MYH15: variants seen among roughly 807,000 people sequenced by gnomAD.
The protein encoded by MYH15 is myosin heavy chain 15.
MYH15 carries 227 observed loss-of-function variants against 240.5 expected under a neutral mutation model. The ratio of observed to expected loss-of-function variants is 0.94; its 90% CI spans 0.85 to 1.05. The LOEUF is 1.05. MYH15 is among the 50% of genes least tolerant of loss of function. The pLI, the probability that MYH15 is intolerant of heterozygous loss-of-function variation, is 0.00. For missense variants in MYH15, 2,217 were observed against 2,247.5 expected (o/e 0.99, Z 0.27); for synonymous variants, 785 against 796.7 (o/e 0.99, Z 0.25).
Position 108,441,348 on chromosome 3 carries a change from T to C in MYH15, c.2656-88A>G. ...TGCTGCTTAACACACAGCAAAGAGA[T>C]AATTGCCTGCCCTCTGCCCAGCACT... On this transcript the variant is annotated intron_variant, in intron 22 of 40. Coordinates refer to ENST00000693548, the MANE Select transcript of MYH15 (RefSeq NM_014981.3). 2.0e-6 allele frequency: 3 copies of C among 1,464,438 alleles called. No individual in the cohort carries two copies. In the South Asian group the frequency reaches 3.6e-5, roughly 18 times the overall value. 90.7% of individuals were successfully genotyped at this position (1,464,438 alleles called of 1,614,324 possible).
At position 108,507,226 on chromosome 3, in the gene MYH15, AATATATATATATATATATATATATATAT is replaced by A. The variant is rs147101810; in HGVS notation, c.89-1425_89-1398del. ...CATACTTTCCTTTTAAAGGAAAATG[AATATATATATATATATATATATATATAT>A]ATATATATATATATATATATATACA... On this transcript the variant is annotated intron_variant, in intron 1 of 40. Coordinates refer to ENST00000693548, the MANE Select transcript of MYH15 (RefSeq NM_014981.3). Among the ~76,000 whole-genome samples the A allele has an allele frequency of 7.6e-3, 753 of 98,536 alleles. 23 individuals are homozygous for A. Among genetic ancestry groups the A allele is most frequent in the South Asian group, 0.011 (27 of 2,554 alleles). 64.6% of individuals were successfully genotyped at this position (98,536 alleles called of 152,430 possible).
chr3:108,493,216 G>T, intron 7 of MYH15, 39 bp from the exon 8 acceptor site: 1 of 1,569,360 alleles, frequency 6.4e-7, no homozygotes, highest in South Asian at 1.1e-5. Flanking sequence ...ACAAAACACA[G>T]TTTCCTATTC....
At chr3:108,483,128 A>G (rs1464834378) in intron 11 of MYH15, among the ~76,000 whole-genome samples, 1 of 151,810 alleles carries the variant, frequency 6.6e-6, no homozygotes, top group Non-Finnish European at 1.5e-5. Context: ...TGAACCTGGG[A>G]AGCAGAAGTT....
intron 1 of MYH15, 49 bp downstream of exon 1, chr3:108,510,394 T>A: frequency 1.3e-6 from 2 of 1,571,268 alleles, no homozygotes; most frequent in Non-Finnish European, 8.6e-7. Flanking sequence ...TTAGTCACCA[T>A]CTTGAAGGAG....
upstream of MYH15, among the ~76,000 whole-genome samples, chr3:108,511,042 C>A (rs956322402): frequency 6.6e-6 from 1 of 151,956 alleles, no homozygotes; most frequent in Non-Finnish European, 1.5e-5. Context: ...TGCCACCCTG[C>A]GCCATGGAGT....
At chr3:108,383,782 GT>G (rs56252170) in intron 39 of MYH15, 53 bp from the exon 40 acceptor site, 147,978 of 1,167,198 alleles carry the variant, frequency 0.13, 7,430 homozygotes, top group South Asian at 0.22. Flanking sequence ...ATAGTCAGGT[GT>G]TTTTTTTTTC....
intron 18 of MYH15, among the ~76,000 whole-genome samples, chr3:108,457,944 G>T (rs2083037336): frequency 6.6e-6 from 1 of 152,170 alleles, no homozygotes; most frequent in African/African-American, 2.4e-5. Flanking sequence ...TGAGGTACAA[G>T]AATTGCTTGA....
Position 108,385,316 on chromosome 3 carries a change from C to T in MYH15, c.5536-534G>A, listed in dbSNP as rs555922243. On this transcript the variant is annotated intron_variant, in intron 38 of 40. Transcript: ENST00000693548. ...CTATTCCTTTGAACTTTCTAATTGA[C>T]TCTTGGTTTTGAGTAATAGAACTAT... is the stretch of plus-strand genomic sequence containing the variant. Among the ~76,000 whole-genome samples, 280 of 152,304 alleles carry T rather than the reference C, an allele frequency of 1.8e-3. 2 individuals are homozygous for T. The highest frequency in any genetic ancestry group is 6.5e-3 in the African/African-American group (270 of 41,588).
chr3:108,444,858 A>G lies in MYH15; in HGVS notation c.2437T>C (p.Phe813Leu). The G allele has an allele frequency of 6.2e-7, 1 of 1,614,028 alleles. No individual in the cohort carries two copies. The highest frequency in any genetic ancestry group is 1.3e-5 in the African/African-American group (1 of 75,062). The stretch of plus-strand genomic sequence containing the variant: ...CAGGGCCAGTTCTTCACAGCCATGA[A>G]AGCTCTTATGTTCCATTGGATCAAA... ...LILIQWNIRA[F>L]MAVKNWPWMR... Residue 813 changes from phenylalanine (F) to leucine (L), a missense_variant, in exon 22 of 41, where the codon TTC (phenylalanine) becomes CTC (leucine). Phe to Leu is a conservative substitution (Grantham distance 22). Transcript: ENST00000693548.
At chr3:108,402,395 C>T (rs2082512590) in intron 33 of MYH15, among the ~76,000 whole-genome samples, 1 of 152,176 alleles carries the variant, frequency 6.6e-6, no homozygotes, top group African/African-American at 2.4e-5. Context: ...TACTATATAC[C>T]TGGGGCTGTA....
At chr3:108,500,332 C>A in intron 3 of MYH15, 58 bp from the exon 4 acceptor site, 1 of 1,533,462 alleles carries the variant, frequency 6.5e-7, no homozygotes, top group South Asian at 1.2e-5. Context: ...CCAGGTTTGT[C>A]AGCTCTTCCA....
chr3:108,474,194 G>T (rs2083200599), intron 12 of MYH15, among the ~76,000 whole-genome samples: 2 of 151,420 alleles, frequency 1.3e-5, no homozygotes. Flanking sequence ...AATGGCAATT[G>T]TCTCTATAAA....
chr3:108,463,293 A>G, intron 15 of MYH15, 50 bp from the exon 16 acceptor site: 5 of 1,557,442 alleles, frequency 3.2e-6, no homozygotes, highest in Non-Finnish European at 4.3e-6. Flanking sequence ...AAACTGCATA[A>G]GTTAACATGG....
At chr3:108,488,362 C>A (rs1056822400) in intron 9 of MYH15, among the ~76,000 whole-genome samples, 14 of 152,164 alleles carry the variant, frequency 9.2e-5, no homozygotes, top group Non-Finnish European at 1.9e-4. Context: ...AGCTAAGGTG[C>A]AGTGGCATGA....
chr3:108,503,474 A>G (rs2083452966), intron 2 of MYH15, among the ~76,000 whole-genome samples: 1 of 152,336 alleles, frequency 6.6e-6, no homozygotes, highest in East Asian at 1.9e-4. Flanking sequence ...GCAATAGCCC[A>G]ATTTAAAAAA....
chr3:108,403,755 CT>C (rs1325809249), intron 33 of MYH15, among the ~76,000 whole-genome samples: 1 of 152,164 alleles, frequency 6.6e-6, no homozygotes, highest in Non-Finnish European at 1.5e-5. Context: ...TCCACCCCTT[CT>C]TTTCTCAGCT....
chr3:108,518,474 C>A (rs907399762), intron 1 of MYH15, among the ~76,000 whole-genome samples: 1 of 152,144 alleles, frequency 6.6e-6, no homozygotes, highest in African/African-American at 2.4e-5. Flanking sequence ...CAGAATGAGG[C>A]CCCCAAGTAG....
chr3:108,493,055 G>C, intron 8 of MYH15, 59 bp downstream of exon 8: 1 of 1,008,114 alleles, frequency 9.9e-7, no homozygotes, highest in Non-Finnish European at 1.4e-6. Flanking sequence ...GGAAAGAGAA[G>C]GGAAGGGAAG....
rs747390211 is a variant in MYH15, at chr3:108,383,728, TC to T, written c.5632del (p.Glu1878LysfsTer18). On this transcript the variant is annotated frameshift_variant and splice_region_variant, in exon 40 of 41. Coordinates refer to ENST00000693548, the MANE Select transcript of MYH15 (RefSeq NM_014981.3). LOFTEE classifies it high-confidence loss of function. ...GGAAAGGTATTGATTGGCTTGTGTT[TC>T]CTATAAAAATAAAAAAAAAAAAAAA... is the stretch of plus-strand genomic sequence containing the variant. ...QNYKQQVEVA[E>X]TQANQYLSKY... 1 of 1,488,084 alleles carries T rather than the reference TC, an allele frequency of 6.7e-7. No individual in the cohort carries two copies. The highest frequency in any genetic ancestry group is 8.9e-7 in the Non-Finnish European group (1 of 1,127,648). 92.2% of individuals were successfully genotyped at this position (1,488,084 alleles called of 1,614,324 possible). A position where few individuals can be genotyped will look rare whatever the true frequency, so the allele number is the denominator to read the frequency against.
Sources: allele counts gnomAD v4.1 joint callset (sites outside exome capture counted in the v4.1 genomes callset), GRCh38; gene constraint gnomAD v4.1.1; transcripts MANE v1.5; gene names NCBI Gene and HGNC (gene_info 2026-07-23, HGNC 2026-07-21).